The following MME variants were observed in gnomAD, a reference collection of about 807,000 sequenced individuals.
MME encodes the protein neprilysin.
Under a neutral mutation model 113.2 loss-of-function variants are expected in MME, and 98 were observed. The observed-to-expected ratio is 0.87, with a 90% CI of 0.74 to 1.02. The LOEUF is 1.02. Ranked by LOEUF, MME falls within the 50% of genes least tolerant of loss-of-function variation. The pLI is 0.00. For missense variants in MME, 836 were observed against 896.0 expected, an observed-to-expected ratio of 0.93 and a Z score of 0.86; for synonymous variants, 292 against 300.6, an observed-to-expected ratio of 0.97 and a Z score of 0.30.
At position 155,050,905 on chromosome 3, in the gene MME, G is replaced by A. The variant is rs140286005; in HGVS notation, c.-11+26581G>A. On this transcript the variant is annotated intron_variant, in intron 1 of 22. Coordinates refer to the MME transcript ENST00000492661. ...GGGTCTTCATCATGAAATTTTTGCC[G>A]GTTCCTATGAGGTGACAGAAATCTT... 6.6e-3 allele frequency among the ~76,000 whole-genome samples: 1,008 copies of A among 152,106 alleles called. 10 individuals carry two copies. The highest frequency in any genetic ancestry group is 7.2e-3 in the Non-Finnish European group (491 of 67,984).
intron 8 of MME, among the ~76,000 whole-genome samples, chr3:155,131,916 T>G (rs971727017): frequency 3.9e-5 from 6 of 152,194 alleles, no homozygotes; most frequent in Admixed American, 1.3e-4. Context: ...CTGCTTAGTC[T>G]CCCTCTGTGT....
intron 1 of MME, among the ~76,000 whole-genome samples, chr3:155,040,098 A>T (rs1380499809): frequency 1.3e-5 from 2 of 152,188 alleles, no homozygotes; most frequent in Non-Finnish European, 2.9e-5. Flanking sequence ...TTCCAAGGCC[A>T]GCTGGATAAA....
At chr3:155,138,969 T>A (rs1032449657) in intron 9 of MME, among the ~76,000 whole-genome samples, 4 of 152,066 alleles carry the variant, frequency 2.6e-5, no homozygotes, top group Non-Finnish European at 5.9e-5. Context: ...AACGACAACC[T>A]GCATCCCTGA....
At chr3:155,082,347 C>A (rs1028642746) in intron 1 of MME, among the ~76,000 whole-genome samples, 1 of 152,146 alleles carries the variant, frequency 6.6e-6, no homozygotes, top group East Asian at 1.9e-4. Flanking sequence ...AAGGGAAATA[C>A]TTTAGCAAAT....
At chr3:155,152,314 C>G (rs1415620893) in intron 16 of MME, among the ~76,000 whole-genome samples, 1 of 152,136 alleles carries the variant, frequency 6.6e-6, no homozygotes, top group African/African-American at 2.4e-5. Flanking sequence ...GCATATTTCT[C>G]TTCACCTTGG....
chr3:155,069,464 A>C (rs1341382637), intron 1 of MME, among the ~76,000 whole-genome samples: 1 of 152,250 alleles, frequency 6.6e-6, no homozygotes, highest in Non-Finnish European at 1.5e-5. Flanking sequence ...GTTAAGGCCC[A>C]GGATGACTGA....
intron 3 of MME, among the ~76,000 whole-genome samples, chr3:155,109,248 C>T (rs73010297): frequency 5.1e-4 from 78 of 152,186 alleles, no homozygotes; most frequent in African/African-American, 1.8e-3. Context: ...TACCTATAGG[C>T]ACAAGAGCCC....
chr3:155,092,898 G>A (rs559693177), intron 3 of MME, among the ~76,000 whole-genome samples: 1 of 152,282 alleles, frequency 6.6e-6, no homozygotes, highest in Admixed American at 6.5e-5. Flanking sequence ...TGGGGTAATG[G>A]AAGTGTTCTA....
At chr3:155,133,060 A>AT (rs1278838107) in intron 8 of MME, among the ~76,000 whole-genome samples, 66 of 90,152 alleles carry the variant, frequency 7.3e-4, no homozygotes, top group African/African-American at 2.0e-3. Context: ...AAAAAAAAAA[A>AT]AAATATATAT....
chr3:155,028,714 T>A (rs1011165373), intron 1 of MME, among the ~76,000 whole-genome samples: 1 of 152,210 alleles, frequency 6.6e-6, no homozygotes, highest in Non-Finnish European at 1.5e-5. Flanking sequence ...TGATTTTTGG[T>A]AGCATTACAT....
chr3:155,182,678 G>T lies in MME; in HGVS notation c.*2219G>T, dbSNP rs199631003. On this transcript the variant is annotated 3_prime_UTR_variant, in exon 23 of 23. Coordinates refer to ENST00000360490, the MANE Select transcript of MME (RefSeq NM_007289.4). ...AAGAGCCAGAAGTGAAGAGTGACTAGTACAAATTATAAAAAGCCACTAGAC... is the reference window on the plus strand; with the variant it reads ...AAGAGCCAGAAGTGAAGAGTGACTATTACAAATTATAAAAAGCCACTAGAC... 3 of 152,162 alleles carry T rather than the reference G, an allele frequency of 2.0e-5. No homozygotes were observed. The highest frequency in any genetic ancestry group is 4.4e-5 in the Non-Finnish European group (3 of 68,026). The allele number at this position is 152,162 out of a possible 1,614,324, so 9.4% of individuals were successfully genotyped here. A position where few individuals can be genotyped will look rare whatever the true frequency, so the allele number is the denominator to read the frequency against.
intron 14 of MME, among the ~76,000 whole-genome samples, chr3:155,146,273 C>T (rs1576642305): frequency 2.0e-5 from 3 of 152,036 alleles, no homozygotes; most frequent in Non-Finnish European, 4.4e-5. Flanking sequence ...CTGGTGTAAT[C>T]CCAGCACTTT....
upstream of MME, among the ~76,000 whole-genome samples, chr3:155,077,241 T>TA (rs1265378123): frequency 6.6e-6 from 1 of 152,126 alleles, no homozygotes; most frequent in Admixed American, 6.5e-5. Flanking sequence ...TTAAAGGACT[T>TA]AAAAAAATTC....
intron 1 of MME, among the ~76,000 whole-genome samples, chr3:155,064,134 G>A (rs373647921): frequency 4.3e-4 from 65 of 152,018 alleles, no homozygotes; most frequent in East Asian, 3.9e-3. Flanking sequence ...TACTAAAAAT[G>A]CAAAAATTAG....
intron 3 of MME, among the ~76,000 whole-genome samples, chr3:155,094,125 A>G (rs1461531806): frequency 6.6e-6 from 1 of 152,222 alleles, no homozygotes; most frequent in African/African-American, 2.4e-5. Flanking sequence ...GGGCTGTTAA[A>G]TTATAAACTT....
chr3:155,090,738 A>G (rs1716214944), intron 3 of MME, among the ~76,000 whole-genome samples: 1 of 152,246 alleles, frequency 6.6e-6, no homozygotes. Flanking sequence ...GTAACAAACC[A>G]TGGAAAGTGA....
chr3:155,063,828 G>A (rs1404385176), intron 1 of MME, among the ~76,000 whole-genome samples: 1 of 150,192 alleles, frequency 6.7e-6, no homozygotes, highest in African/African-American at 2.5e-5. Context: ...TTGGTAATGG[G>A]AAAAAGCAAG....
chr3:155,051,962 G>A lies in MME; in HGVS notation c.-11+27638G>A, dbSNP rs190624688. Among the ~76,000 whole-genome samples the A allele has an allele frequency of 2.7e-3, 411 of 152,244 alleles. 1 individual carries two copies. Among genetic ancestry groups the A allele is most frequent in the Non-Finnish European group, 4.6e-3 (313 of 68,018 alleles). On this transcript the variant is annotated intron_variant, in intron 1 of 22. Coordinates refer to the MME transcript ENST00000492661. Reference sequence around the variant, plus strand: ...AGATACAATGATGGTTCAGGCATTGGATAAATACACCTGTTCCAAATAAGA... The same window carrying A: ...AGATACAATGATGGTTCAGGCATTGAATAAATACACCTGTTCCAAATAAGA...
rs533883009 is a variant in MME at position 155,084,999 on chromosome 3, A to T, written c.161-60A>T. On this transcript the variant is annotated intron_variant, in intron 2 of 22. Coordinates refer to ENST00000360490, the MANE Select transcript of MME (RefSeq NM_007289.4). ...TGGCAGTTTTTAAAAGAACAAAAGA[A>T]AAATAGAAATTTAAAAATTTGTGTT... The T allele has an allele frequency of 1.3e-3, 1,647 of 1,227,438 alleles. 5 individuals are homozygous for T. The highest frequency in any genetic ancestry group is 1.5e-3 in the Non-Finnish European group (1,254 of 864,622). The allele number at this position is 1,227,438 out of a possible 1,614,324, so 76.0% of individuals were successfully genotyped here.
Sources: gnomAD v4.1 joint callset for allele counts (sites outside exome capture counted in the v4.1 genomes callset) on GRCh38, gnomAD v4.1.1 for gene constraint, MANE v1.5 for transcripts, NCBI Gene and HGNC (gene_info 2026-07-23, HGNC 2026-07-21) for gene names.